TACC1: variants seen among roughly 807,000 people sequenced by gnomAD.
TACC1 encodes the protein transforming acidic coiled-coil-containing protein 1.
Under a neutral mutation model 84.4 loss-of-function variants are expected in TACC1, and 48 were observed. The observed-to-expected ratio is 0.57, with a 90% CI of 0.45 to 0.72. TACC1 has a LOEUF of 0.72. TACC1 is among the 30% of genes least tolerant of loss of function. TACC1 has a pLI of 0.00. For synonymous variants in TACC1, 372 were observed against 376.3 expected (o/e 0.99, Z 0.13); for missense variants, 920 against 973.0 (o/e 0.95, Z 0.72).
At chr8:38,757,445 G>C in intron 3 of TACC1, 1 of 1,141,070 alleles carries the variant, frequency 8.8e-7, no homozygotes, top group South Asian at 1.6e-5. Flanking sequence ...GCCGCCTTTG[G>C]GGGTTTGCGT....
upstream of TACC1, among the ~76,000 whole-genome samples, chr8:38,784,674 A>AG (rs1489534670): frequency 6.6e-6 from 1 of 152,290 alleles, no homozygotes; most frequent in South Asian, 2.1e-4. Flanking sequence ...AGATTTCCCC[A>AG]GGGGGAGTCA....
At chr8:38,745,041 G>C (rs1437095046) in exon 3 of TACC1, 1 of 155,076 alleles carries the variant, frequency 6.4e-6, no homozygotes, top group East Asian at 1.9e-4. Context: ...TCAGCCCCAG[G>C]CTTCTAGCAC....
At chr8:38,778,174 G>A (rs139437868) in intron 3 of TACC1, among the ~76,000 whole-genome samples, 83 of 152,196 alleles carry the variant, frequency 5.5e-4, no homozygotes, top group African/African-American at 2.0e-3. Context: ...TCAAACTCCT[G>A]GGCTCAAGCG....
At chr8:38,752,136 A>T (rs1257290024) in intron 3 of TACC1, among the ~76,000 whole-genome samples, 1 of 152,186 alleles carries the variant, frequency 6.6e-6, no homozygotes, top group Non-Finnish European at 1.5e-5. Context: ...GAGTTTCAAC[A>T]GCTTAAATTT....
intron 2 of TACC1, 50 bp from the exon 3 acceptor site, chr8:38,819,472 T>TA (rs1167034652): frequency 1.3e-6 from 2 of 1,544,040 alleles, no homozygotes; most frequent in Admixed American, 2.0e-5. Context: ...AGAGGATACT[T>TA]ACCAGTGACA....
At chr8:38,844,947 CAG>C (rs1321355459) in intron 11 of TACC1, 1 of 151,880 alleles carries the variant, frequency 6.6e-6, no homozygotes, top group Non-Finnish European at 1.5e-5. Context: ...TTTTTTGAGA[CAG>C]AGTCTCACTC....
chr8:38,838,204 C>T (rs75433153), intron 7 of TACC1, among the ~76,000 whole-genome samples: 3 of 152,172 alleles, frequency 2.0e-5, no homozygotes, highest in Non-Finnish European at 4.4e-5. Context: ...AGACCCTGGA[C>T]CAAGGTAAAG....
intron 2 of TACC1, among the ~76,000 whole-genome samples, chr8:38,814,237 A>T (rs1563715076): frequency 6.6e-6 from 1 of 152,214 alleles, no homozygotes; most frequent in South Asian, 2.1e-4. Context: ...AATGTTAGGG[A>T]TGCAAATGGG....
intron 2 of TACC1, chr8:38,742,553 A>G (rs1807274764): frequency 2.3e-6 from 2 of 865,172 alleles, no homozygotes; most frequent in Admixed American, 2.4e-5. Context: ...TTGTATTTGG[A>G]TTAAGTGTGA....
intron 2 of TACC1, among the ~76,000 whole-genome samples, chr8:38,790,521 C>T (rs1246467450): frequency 6.6e-6 from 1 of 152,186 alleles, no homozygotes; most frequent in Admixed American, 6.5e-5. Context: ...TGTGGTTTCT[C>T]TGTTCCAGTA....
intron 1 of TACC1, among the ~76,000 whole-genome samples, chr8:38,729,147 G>A (rs1448127271): frequency 1.3e-5 from 2 of 152,238 alleles, no homozygotes; most frequent in East Asian, 3.9e-4. Flanking sequence ...TGAACGGGGC[G>A]CGGCTGTTTT....
At chr8:38,787,112 G>A, upstream of TACC1, 1 of 983,118 alleles carries the variant, frequency 1.0e-6, no homozygotes. Context: ...GCGCGCGGCC[G>A]TCTTCAAAGC....
chr8:38,825,163 G>C (rs990428222), intron 3 of TACC1, 145 bp from the exon 4 acceptor site: 2 of 803,446 alleles, frequency 2.5e-6, no homozygotes, highest in Non-Finnish European at 2.1e-6. Context: ...AGGTGTCCCT[G>C]CCTCTCTCCT....
intron 2 of TACC1, among the ~76,000 whole-genome samples, chr8:38,796,465 T>C (rs1313870808): frequency 2.0e-5 from 3 of 152,200 alleles, no homozygotes; most frequent in Admixed American, 6.5e-5. Flanking sequence ...GTGATAGTAG[T>C]TTAAAAAATC....
At chr8:38,818,331 A>T (rs558060375) in intron 2 of TACC1, among the ~76,000 whole-genome samples, 1 of 152,336 alleles carries the variant, frequency 6.6e-6, no homozygotes, top group South Asian at 2.1e-4. Context: ...GTCATCTTTT[A>T]ATTTCCTTTA....
chr8:38,787,519 G>C lies in TACC1; in HGVS notation c.-64G>C, dbSNP rs755868431. On this transcript the variant is annotated 5_prime_UTR_variant, in exon 1 of 13. Transcript: ENST00000317827. ...GTCACCGGTTCCCTCCATTTTGAAAGGGAAAAAGGCTCTCCCCACCCATTC... is the reference window on the plus strand; with the variant it reads ...GTCACCGGTTCCCTCCATTTTGAAACGGAAAAAGGCTCTCCCCACCCATTC... 18 of 1,439,640 alleles carry C rather than the reference G, an allele frequency of 1.3e-5. No homozygotes were observed. The highest frequency in any genetic ancestry group is 1.5e-5 in the Non-Finnish European group (17 of 1,100,786). The allele number at this position is 1,439,640 out of a possible 1,614,324, so 89.2% of individuals were successfully genotyped here.
intron 3 of TACC1, among the ~76,000 whole-genome samples, chr8:38,755,147 G>A (rs73611025): frequency 0.2 from 26,642 of 135,424 alleles, 3,082 homozygotes; most frequent in Middle Eastern, 0.3. Context: ...GCAACAGAGC[G>A]AGACTCCATC....
At chr8:38,769,144 C>G (rs1812904669) in intron 3 of TACC1, among the ~76,000 whole-genome samples, 1 of 113,118 alleles carries the variant, frequency 8.8e-6, no homozygotes, top group Non-Finnish European at 1.8e-5. Context: ...ATATGTGTGA[C>G]TAGGTGTGTG....
chr8:38,750,528 CT>C (rs2151738606), intron 3 of TACC1, among the ~76,000 whole-genome samples: 1 of 152,214 alleles, frequency 6.6e-6, no homozygotes, highest in Non-Finnish European at 1.5e-5. Flanking sequence ...TAAAATTGTC[CT>C]TATCTACAAG....
Sources: gnomAD v4.1 joint callset for allele counts (sites outside exome capture counted in the v4.1 genomes callset) on GRCh38, gnomAD v4.1.1 for gene constraint, MANE v1.5 for transcripts, NCBI Gene and HGNC (gene_info 2026-07-23, HGNC 2026-07-21) for gene names.